Variants in PCDHGA2 observed in about 807,000 individuals in gnomAD.
PCDHGA2 encodes protocadherin gamma subfamily A, 2.
PCDHGA2 carries 40 observed loss-of-function variants against 59.2 expected under a neutral mutation model. The ratio of observed to expected loss-of-function variants is 0.68; its 90% confidence interval spans 0.52 to 0.88. The LOEUF (loss-of-function observed/expected upper bound fraction) is 0.88, where lower values mean the gene tolerates loss of function less well. PCDHGA2 is among the 40% of genes least tolerant of loss of function. The pLI is 0.00. For missense variants in PCDHGA2, 1,226 were observed against 1,204.0 expected, an observed-to-expected ratio of 1.02 and a Z score of -0.27; for synonymous variants, 560 against 526.0, an observed-to-expected ratio of 1.06 and a Z score of -0.89.
intron 1 of PCDHGA2, chr5:141,398,682 A>G (rs767093587): frequency 1.4e-5 from 23 of 1,613,842 alleles, no homozygotes; most frequent in Non-Finnish European, 1.9e-5. Flanking sequence ...TTAAGGAGAA[A>G]CAGGATGGTA....
intron 1 of PCDHGA2, chr5:141,366,203 G>A (rs1764404234): frequency 3.7e-6 from 6 of 1,613,862 alleles, no homozygotes; most frequent in East Asian, 4.5e-5. Flanking sequence ...GCACACGGGC[G>A]AGGTGCGCAC....
At chr5:141,483,187 GTTT>G (rs899657161) in intron 1 of PCDHGA2, among the ~76,000 whole-genome samples, 2 of 152,172 alleles carry the variant, frequency 1.3e-5, no homozygotes, top group African/African-American at 4.8e-5. Flanking sequence ...AAGCCAAGGA[GTTT>G]TTATTTTATT....
intron 1 of PCDHGA2, among the ~76,000 whole-genome samples, chr5:141,472,602 T>C (rs1032061805): frequency 4.6e-5 from 7 of 152,026 alleles, no homozygotes; most frequent in African/African-American, 1.4e-4. Context: ...CTTGAAATTA[T>C]AAAACAAAGA....
At chr5:141,439,473 G>T (rs1414737627) in intron 1 of PCDHGA2, among the ~76,000 whole-genome samples, 2 of 152,202 alleles carry the variant, frequency 1.3e-5, no homozygotes, top group South Asian at 2.1e-4. Context: ...CTGCCTTTCA[G>T]CTTGCAAATT....
At chr5:141,398,729 A>T in intron 1 of PCDHGA2, 1 of 1,613,820 alleles carries the variant, frequency 6.2e-7, no homozygotes, top group Non-Finnish European at 8.5e-7. Flanking sequence ...AAAACCTTAG[A>T]CCGGGAACAA....
chr5:141,418,284 T>A (rs766608852), intron 1 of PCDHGA2: 19 of 1,613,826 alleles, frequency 1.2e-5, no homozygotes, highest in Non-Finnish European at 1.4e-5. Flanking sequence ...AACTTAGAAA[T>A]CAGTGAATCC....
In PCDHGA2 at chr5:141,418,490, G is replaced by A. The variant is rs1473964718; in HGVS notation, c.2425-76317G>A. On this transcript the variant is annotated intron_variant, in intron 1 of 3. Coordinates refer to ENST00000394576, the MANE Select transcript of PCDHGA2 (RefSeq NM_018915.4). Reference sequence around the variant, plus strand: ...AGAAACGCAGAGCGCTCACCACTTGGTACTGACCGCCTTAGATGGTGGGGA... The same window carrying A: ...AGAAACGCAGAGCGCTCACCACTTGATACTGACCGCCTTAGATGGTGGGGA... 5.6e-6 allele frequency: 9 copies of A among 1,613,996 alleles called. No homozygotes were observed. In the East Asian group the frequency reaches 1.6e-4, roughly 28 times the overall value.
In PCDHGA2 at chr5:141,340,569, T is replaced by C. The variant is rs1041166811; in HGVS notation, c.1598T>C (p.Ile533Thr). The part of the protein sequence containing the change: ...EQLRDLQVWV[I>T]ARDSGNPPLS... ...TTGCGAGACTTGCAAGTGTGGGTGA[T>C]AGCGCGGGACAGCGGGAACCCTCCA... The change falls in exon 1 of 4, where the codon ATA becomes ACA. Residue 533 changes from isoleucine to threonine, a missense_variant. Coordinates refer to ENST00000394576, the MANE Select transcript of PCDHGA2 (RefSeq NM_018915.4). 6 of 1,614,110 alleles carry C rather than the reference T, an allele frequency of 3.7e-6. No homozygotes were observed. The highest frequency in any genetic ancestry group is 5.1e-6 in the Non-Finnish European group (6 of 1,180,048).
intron 1 of PCDHGA2, chr5:141,430,898 G>A: frequency 6.2e-7 from 1 of 1,605,834 alleles, no homozygotes; most frequent in East Asian, 2.2e-5. Flanking sequence ...TAGGGTGGGC[G>A]ACATCTCCAG....
rs747509171 is a variant in PCDHGA2, at chr5:141,477,069, A to G, written c.2425-17738A>G. The stretch of plus-strand genomic sequence containing the variant: ...CTGGACTTCGAGGACACCAAACTCC[A>G]TGAGATTTACATCCAGGCCAAAGAC... On this transcript the variant is annotated intron_variant, in intron 1 of 3. Coordinates refer to ENST00000394576, the MANE Select transcript of PCDHGA2 (RefSeq NM_018915.4). The surrounding 1 kb of genome is among the most constrained non-coding windows in gnomAD (Gnocchi z 4.9). 7 of 1,614,246 alleles carry G rather than the reference A, an allele frequency of 4.3e-6. No homozygotes were observed. The highest frequency in any genetic ancestry group is 5.9e-6 in the Non-Finnish European group (7 of 1,180,026).
chr5:141,373,134 C>T (rs1335813862), intron 1 of PCDHGA2, among the ~76,000 whole-genome samples: 4 of 152,200 alleles, frequency 2.6e-5, no homozygotes, highest in Non-Finnish European at 5.9e-5. Flanking sequence ...CAAATCCTCA[C>T]AATTAAGTGG....
intron 1 of PCDHGA2, chr5:141,383,993 T>C: frequency 2.5e-6 from 4 of 1,613,872 alleles, no homozygotes; most frequent in Non-Finnish European, 3.4e-6. Context: ...CTTGGGACAG[T>C]CATTGCTCTT....
Position 141,490,254 on chromosome 5 carries a change from G to A in PCDHGA2, c.2425-4553G>A. The A allele has an allele frequency of 6.2e-7, 1 of 1,614,236 alleles. No homozygotes were observed. Among genetic ancestry groups the A allele is most frequent in the Non-Finnish European group, 8.5e-7 (1 of 1,180,038 alleles). ...TGGAGGGCCACTGTGTGATTCAAGT[G>A]GATGTGGGGGATGTCAATGACAATG... On this transcript the variant is annotated intron_variant, in intron 1 of 3. Coordinates refer to ENST00000394576, the MANE Select transcript of PCDHGA2 (RefSeq NM_018915.4). The surrounding 1 kb of genome is among the most constrained non-coding windows in gnomAD (Gnocchi z 5.4).
chr5:141,486,346 C>G lies in PCDHGA2; in HGVS notation c.2425-8461C>G. 1 of 1,614,120 alleles carries G rather than the reference C, an allele frequency of 6.2e-7. No individual in the cohort carries two copies. Among genetic ancestry groups the G allele is most frequent in the East Asian group, 2.2e-5 (1 of 44,874 alleles). ...GAGATGTGAGCCTCCGCATTCCTGA[C>G]CACTTGCCATTTGCCCTCAAGTCTG... On this transcript the variant is annotated intron_variant, in intron 1 of 3. Coordinates refer to ENST00000394576, the MANE Select transcript of PCDHGA2 (RefSeq NM_018915.4). This position sits in a 1 kb window ranked among gnomAD's most constrained non-coding sequence, Gnocchi z 5.0.
chr5:141,344,148 CTAGA>C (rs1447337473), intron 1 of PCDHGA2: 2 of 1,614,022 alleles, frequency 1.2e-6, no homozygotes, highest in Non-Finnish European at 1.7e-6. Flanking sequence ...GTCTGAGGAG[CTAGA>C]TAAAGGTTCC....
In PCDHGA2 at chr5:141,489,163, C is replaced by T. The variant is rs2099683398; in HGVS notation, c.2425-5644C>T. 1 of 1,060,592 alleles carries T rather than the reference C, an allele frequency of 9.4e-7. No individual in the cohort carries two copies. Among genetic ancestry groups the T allele is most frequent in the Admixed American group, 2.4e-5 (1 of 41,724 alleles). The allele number at this position is 1,060,592 out of a possible 1,614,324, so 65.7% of individuals were successfully genotyped here. On this transcript the variant is annotated intron_variant, in intron 1 of 3. Coordinates refer to ENST00000394576, the MANE Select transcript of PCDHGA2 (RefSeq NM_018915.4). This position sits in a 1 kb window ranked among gnomAD's most constrained non-coding sequence, Gnocchi z 4.5. ...TGGAAGGAGACATAAGAGACTTCAGCTGCTGCATTCCAAGCCCTGGGTCTA... is the reference window on the plus strand; with the variant it reads ...TGGAAGGAGACATAAGAGACTTCAGTTGCTGCATTCCAAGCCCTGGGTCTA...
chr5:141,427,611 G>A (rs747386422), intron 1 of PCDHGA2: 22 of 691,570 alleles, frequency 3.2e-5, no homozygotes, highest in Non-Finnish European at 5.5e-5. Context: ...CATTGGTGAA[G>A]TCAACGACAA....
intron 1 of PCDHGA2, chr5:141,376,292 G>T: frequency 6.2e-7 from 1 of 1,614,156 alleles, no homozygotes; most frequent in Non-Finnish European, 8.5e-7. Flanking sequence ...GAGCATGCCC[G>T]GCTCGCACTT....
chr5:141,509,300 G>A (rs987250093), intron 3 of PCDHGA2, among the ~76,000 whole-genome samples: 5 of 152,216 alleles, frequency 3.3e-5, no homozygotes, highest in African/African-American at 1.2e-4. Flanking sequence ...GGTGGAGGCA[G>A]AGGGAGGCTG....
Sources: allele counts gnomAD v4.1 joint callset (sites outside exome capture counted in the v4.1 genomes callset), GRCh38; gene constraint gnomAD v4.1.1; non-coding constraint Gnocchi (gnomAD v3.1); transcripts MANE v1.5; gene names NCBI Gene and HGNC (gene_info 2026-07-23, HGNC 2026-07-21).